Variants in VPS35L observed in about 807,000 individuals in gnomAD.
VPS35L encodes VPS35 endosomal protein-sorting factor-like.
VPS35L carries 83 observed loss-of-function variants against 133.0 expected under a neutral mutation model. That is an observed-to-expected ratio of 0.62 (90% CI 0.52 to 0.75). VPS35L has a LOEUF of 0.75. Among genes scored for constraint, VPS35L ranks in the 30% least tolerant of loss-of-function variants. The probability of loss-of-function intolerance (pLI) is 0.00; values close to 1 mark genes in which losing one functional copy is unlikely to be tolerated. For missense variants in VPS35L, 1,083 were observed against 1,206.8 expected (o/e 0.90, Z 1.52); for synonymous variants, 423 against 449.9 (o/e 0.94, Z 0.76).
intron 28 of VPS35L, among the ~76,000 whole-genome samples, 154 bp from the exon 29 acceptor site, chr16:19,691,199 C>T (rs982416629): frequency 1.3e-5 from 2 of 152,272 alleles, no homozygotes; most frequent in Non-Finnish European, 2.9e-5. Context: ...TCCCAAGGCC[C>T]CAAGCCCAGT....
At chr16:19,689,275 C>A (rs1397768668) in intron 28 of VPS35L, among the ~76,000 whole-genome samples, 2 of 112,254 alleles carry the variant, frequency 1.8e-5, no homozygotes, top group African/African-American at 4.7e-5. Flanking sequence ...CTGTGCCTGG[C>A]GTTTTTTTTT....
chr16:19,594,862 G>A (rs1567408620), intron 8 of VPS35L, among the ~76,000 whole-genome samples: 1 of 152,128 alleles, frequency 6.6e-6, no homozygotes, highest in East Asian at 2.0e-4. Flanking sequence ...TAAGTAAGGT[G>A]CTCAGAGGAA....
chr16:19,691,496 C>A, intron 29 of VPS35L, 25 bp downstream of exon 29: 1 of 1,567,840 alleles, frequency 6.4e-7, no homozygotes, highest in Non-Finnish European at 8.8e-7. Context: ...CTGTCCTCCA[C>A]CCGCCCCTTG....
At chr16:19,675,653 G>A (rs1416014267) in intron 27 of VPS35L, among the ~76,000 whole-genome samples, 1 of 152,080 alleles carries the variant, frequency 6.6e-6, no homozygotes, top group African/African-American at 2.4e-5. Context: ...CAGTTCAAGT[G>A]ATTTTCCTGC....
chr16:19,580,703 T>C (rs139046495), intron 6 of VPS35L, among the ~76,000 whole-genome samples: 183 of 152,224 alleles, frequency 1.2e-3, no homozygotes, highest in African/African-American at 4.3e-3. Context: ...TTGGTCTAAT[T>C]AACACCCCCA....
intron 9 of VPS35L, 127 bp from the exon 10 acceptor site, chr16:19,608,051 T>C: frequency 1.5e-6 from 1 of 682,186 alleles, no homozygotes; most frequent in South Asian, 1.8e-5. Flanking sequence ...CTAATAGTGA[T>C]ATTTGGAAGG....
intron 28 of VPS35L, among the ~76,000 whole-genome samples, chr16:19,688,181 C>T (rs964930862): frequency 7.9e-5 from 12 of 152,030 alleles, no homozygotes; most frequent in African/African-American, 2.4e-5. Context: ...CCTGCCTTGG[C>T]CTCCCAAAGT....
intron 26 of VPS35L, among the ~76,000 whole-genome samples, chr16:19,661,223 CT>C (rs993307157): frequency 1.1e-4 from 17 of 150,724 alleles, no homozygotes; most frequent in Non-Finnish European, 2.1e-4. Context: ...TCTGTTTCTT[CT>C]TTTTTTTTGG....
intron 27 of VPS35L, among the ~76,000 whole-genome samples, chr16:19,677,143 G>A (rs1975092208): frequency 1.3e-5 from 2 of 150,486 alleles, no homozygotes; most frequent in Non-Finnish European, 3.0e-5. Context: ...TCGGTTCACT[G>A]TAACCTCCGC....
intron 26 of VPS35L, among the ~76,000 whole-genome samples, chr16:19,665,186 GTTA>G (rs1318532230): frequency 6.6e-6 from 1 of 152,294 alleles, no homozygotes; most frequent in East Asian, 1.9e-4. Context: ...AAACAATTCA[GTTA>G]TATTCTTTCA....
In VPS35L at chr16:19,689,366, G is replaced by A. The variant is rs529130172; in HGVS notation, c.2528-1987G>A. Among the ~76,000 whole-genome samples the A allele has an allele frequency of 4.6e-5, 7 of 151,552 alleles. 1 individual carries two copies. In the East Asian group the frequency reaches 5.8e-4, roughly 13 times the overall value. On this transcript the variant is annotated intron_variant, in intron 28 of 30. Coordinates refer to ENST00000417362, the MANE Select transcript of VPS35L (RefSeq NM_020314.7). ...GCTCACTGCAACTTCTGCCTCCTGC[G>A]TTCAAGCGATTCTCCTGCCTTAGCC... is the stretch of plus-strand genomic sequence containing the variant.
intron 10 of VPS35L, 116 bp from the exon 11 acceptor site, chr16:19,608,858 C>T: frequency 1.3e-6 from 1 of 769,688 alleles, no homozygotes; most frequent in Non-Finnish European, 2.2e-6. Flanking sequence ...TGTTGAGGGC[C>T]ACTGTGGTCC....
intron 28 of VPS35L, 51 bp downstream of exon 28, chr16:19,682,441 G>A (rs768760766): frequency 4.5e-6 from 7 of 1,558,150 alleles, no homozygotes; most frequent in Non-Finnish European, 6.1e-6. Flanking sequence ...TTCATGAAAG[G>A]CAGACAGAAT....
At chr16:19,651,904 G>A in intron 25 of VPS35L, 72 bp from the exon 26 acceptor site, 1 of 1,080,920 alleles carries the variant, frequency 9.3e-7, no homozygotes. Context: ...GGAAATACAT[G>A]AGGGATGAAA....
At chr16:19,658,493 G>C (rs1328027788) in intron 26 of VPS35L, among the ~76,000 whole-genome samples, 1 of 152,144 alleles carries the variant, frequency 6.6e-6, no homozygotes, top group Non-Finnish European at 1.5e-5. Flanking sequence ...TCGCACCACT[G>C]TCTCCAGCCT....
At chr16:19,632,361 A>G (rs917690737) in intron 18 of VPS35L, among the ~76,000 whole-genome samples, 7 of 152,180 alleles carry the variant, frequency 4.6e-5, no homozygotes, top group Non-Finnish European at 7.3e-5. Context: ...CTGGTTGAAA[A>G]TAAGGCTTCT....
chr16:19,640,051 G>A lies in VPS35L; in HGVS notation c.1735G>A (p.Glu579Lys), dbSNP rs745637106. ...FLPFLDMFQKESVRVEVCKCI... is the reference protein window; with the variant it reads ...FLPFLDMFQKKSVRVEVCKCI... The stretch of plus-strand genomic sequence containing the variant: ...GCCGTTTCTGGACATGTTCCAAAAA[G>A]AGAGTGTGCGGGTGGAGGTTTGCAA... The change falls in exon 21 of 31, where the codon GAG becomes AAG. Residue 579 changes from glutamate (E) to lysine (K), a missense_variant. By Grantham distance (56) the Glu-to-Lys change is moderately conservative. Transcript: ENST00000417362. The A allele has an allele frequency of 3.1e-6, 5 of 1,614,084 alleles. No individual in the cohort carries two copies. Among genetic ancestry groups the A allele is most frequent in the Non-Finnish European group, 4.2e-6 (5 of 1,180,032 alleles).
At chr16:19,618,049 T>C (rs1321377205) in intron 14 of VPS35L, 1 of 130,368 alleles carries the variant, frequency 7.7e-6, no homozygotes, top group African/African-American at 3.0e-5. Flanking sequence ...ATTGCACCAC[T>C]GTACTCCAGC....
intron 7 of VPS35L, chr16:19,587,339 A>G (rs923360236): frequency 3.3e-5 from 15 of 453,184 alleles, no homozygotes; most frequent in Admixed American, 1.2e-4. Context: ...TTAAAAATCA[A>G]TTGACCAAGG....
Sources: gnomAD v4.1 joint callset for allele counts (sites outside exome capture counted in the v4.1 genomes callset) on GRCh38, gnomAD v4.1.1 for gene constraint, MANE v1.5 for transcripts, NCBI Gene and HGNC (gene_info 2026-07-23, HGNC 2026-07-21) for gene names.